ADAMTSL3: variants seen among roughly 807,000 people sequenced by gnomAD.
ADAMTSL3 encodes the protein ADAMTS like 3.
ADAMTSL3 carries 128 observed loss-of-function variants against 201.7 expected under a neutral mutation model. The observed-to-expected ratio is 0.63, with a 90% CI of 0.55 to 0.73. The LOEUF (loss-of-function observed/expected upper bound fraction) is 0.73. Among genes scored for constraint, ADAMTSL3 ranks in the 30% least tolerant of loss-of-function variants. The pLI is 0.00. For missense variants in ADAMTSL3, 1,990 were observed against 2,119.6 expected (o/e 0.94, Z 1.20); for synonymous variants, 738 against 748.4 (o/e 0.99, Z 0.23).
chr15:83,819,140 G>T (rs12442594), intron 5 of ADAMTSL3, among the ~76,000 whole-genome samples: 84,868 of 151,486 alleles, frequency 0.56, 24,357 homozygotes, highest in East Asian at 0.74. Flanking sequence ...CGTGGTGGCG[G>T]GCGCCTGTAG....
intron 10 of ADAMTSL3, among the ~76,000 whole-genome samples, chr15:83,886,485 G>A (rs543338956): frequency 1.1e-4 from 16 of 152,306 alleles, no homozygotes; most frequent in Non-Finnish European, 1.8e-4. Context: ...TGTTCAGCTA[G>A]TAAACAGTGC....
At chr15:83,992,169 TG>T (rs761470776) in intron 23 of ADAMTSL3, among the ~76,000 whole-genome samples, 18 of 152,190 alleles carry the variant, frequency 1.2e-4, no homozygotes, top group Non-Finnish European at 2.4e-4. Context: ...CTTTTGCTGC[TG>T]CTCTTAGAAA....
intron 9 of ADAMTSL3, among the ~76,000 whole-genome samples, chr15:83,882,467 T>C (rs1290177407): frequency 1.3e-5 from 2 of 152,248 alleles, no homozygotes; most frequent in African/African-American, 4.8e-5. Context: ...GCTTTACTGA[T>C]TTATTTAATC....
At chr15:84,037,322 G>A (rs2068530624) in intron 29 of ADAMTSL3, among the ~76,000 whole-genome samples, 1 of 152,198 alleles carries the variant, frequency 6.6e-6, no homozygotes, top group Non-Finnish European at 1.5e-5. Context: ...GGATGGGCTT[G>A]GGTAGGTATG....
chr15:83,827,756 A>G (rs1440334411), intron 6 of ADAMTSL3, among the ~76,000 whole-genome samples: 1 of 152,154 alleles, frequency 6.6e-6, no homozygotes, highest in Non-Finnish European at 1.5e-5. Flanking sequence ...TTTTGCCAGC[A>G]CCATTTATTA....
At chr15:83,782,470 C>T (rs2063187261) in intron 4 of ADAMTSL3, among the ~76,000 whole-genome samples, 1 of 151,982 alleles carries the variant, frequency 6.6e-6, no homozygotes, top group Non-Finnish European at 1.5e-5. Flanking sequence ...GAGTGAGACT[C>T]CTCCTCCTCA....
chr15:83,948,521 G>T (rs1441290568), intron 19 of ADAMTSL3, among the ~76,000 whole-genome samples: 1 of 151,946 alleles, frequency 6.6e-6, no homozygotes, highest in African/African-American at 2.4e-5. Context: ...TCCCATCTCT[G>T]AGCTCTTTGA....
At chr15:83,989,005 C>G (rs1362951344) in intron 22 of ADAMTSL3, among the ~76,000 whole-genome samples, 187 bp downstream of exon 22, 1 of 151,798 alleles carries the variant, frequency 6.6e-6, no homozygotes, top group African/African-American at 2.4e-5. Flanking sequence ...CCTCAGCCTC[C>G]CGAGTAGCTG....
At chr15:83,673,017 T>C (rs374779834) in intron 2 of ADAMTSL3, among the ~76,000 whole-genome samples, 2 of 152,332 alleles carry the variant, frequency 1.3e-5, no homozygotes, top group East Asian at 1.9e-4. Context: ...CTGTAAATCC[T>C]TTCTGGGATG....
intron 4 of ADAMTSL3, among the ~76,000 whole-genome samples, chr15:83,798,811 AAAAAAAAAAAAAAC>A (rs1456518023): frequency 2.7e-5 from 4 of 150,760 alleles, no homozygotes; most frequent in Non-Finnish European, 4.4e-5. Context: ...CGTCTCAAAA[AAAAAAAAAAAAAAC>A]AAAAAAAAAG....
chr15:84,032,924 T>C (rs2068435102), intron 28 of ADAMTSL3, among the ~76,000 whole-genome samples: 1 of 152,230 alleles, frequency 6.6e-6, no homozygotes, highest in East Asian at 1.9e-4. Flanking sequence ...TCAAAATTTC[T>C]ATGCCAGCAA....
chr15:83,958,973 A>AAT (rs775054025), intron 19 of ADAMTSL3, among the ~76,000 whole-genome samples: 101 of 152,286 alleles, frequency 6.6e-4, no homozygotes, highest in Non-Finnish European at 1.0e-3. Context: ...AAGTGCAGAT[A>AAT]ATATATATAA....
intron 6 of ADAMTSL3, among the ~76,000 whole-genome samples, chr15:83,824,513 G>A (rs927899433): frequency 1.3e-4 from 20 of 152,110 alleles, no homozygotes; most frequent in African/African-American, 4.8e-4. Flanking sequence ...GTTTACATTA[G>A]GCCTCACTCT....
chr15:83,762,890 T>A (rs924401985), intron 3 of ADAMTSL3, among the ~76,000 whole-genome samples: 4 of 64,808 alleles, frequency 6.2e-5, no homozygotes, highest in Admixed American at 1.9e-4. Context: ...TTGATTTACT[T>A]CTTTTTTTTT....
intron 3 of ADAMTSL3, among the ~76,000 whole-genome samples, chr15:83,753,406 G>A (rs2062670235): frequency 6.6e-6 from 1 of 152,186 alleles, no homozygotes; most frequent in African/African-American, 2.4e-5. Context: ...CCCAGAAGGA[G>A]AGGTATGAGA....
intron 6 of ADAMTSL3, among the ~76,000 whole-genome samples, chr15:83,822,004 C>A (rs1426490197): frequency 1.4e-5 from 2 of 143,072 alleles, no homozygotes; most frequent in Non-Finnish European, 3.1e-5. Context: ...GGTTGCTGAC[C>A]TCCCCCACCT....
At chr15:84,019,222 T>C (rs1449748329) in intron 25 of ADAMTSL3, among the ~76,000 whole-genome samples, 1 of 151,858 alleles carries the variant, frequency 6.6e-6, no homozygotes, top group Non-Finnish European at 1.5e-5. Context: ...CCCAGTAGGG[T>C]AGCTAAAAAC....
At chr15:83,824,741 G>A (rs1246588058) in intron 6 of ADAMTSL3, 1 of 151,968 alleles carries the variant, frequency 6.6e-6, no homozygotes. Context: ...ATAGTATGTA[G>A]CCTTTTCGGA....
intron 21 of ADAMTSL3, among the ~76,000 whole-genome samples, chr15:83,983,669 G>A (rs1416013278): frequency 6.6e-6 from 1 of 152,172 alleles, no homozygotes; most frequent in African/African-American, 2.4e-5. Flanking sequence ...TTAAAAGTAA[G>A]CTTATTAATA....
Sources: allele counts gnomAD v4.1 joint callset (sites outside exome capture counted in the v4.1 genomes callset), GRCh38; gene constraint gnomAD v4.1.1; transcripts MANE v1.5; gene names NCBI Gene and HGNC (gene_info 2026-07-23, HGNC 2026-07-21).